SLC48A1: variants seen among roughly 807,000 people sequenced by gnomAD.
SLC48A1 encodes solute carrier family 48 member 1, also known as heme transporter HRG1.
A neutral mutation model predicts 14.8 loss-of-function variants in SLC48A1; 6 were observed. That is an observed-to-expected ratio of 0.41 (90% CI 0.22 to 0.80). The LOEUF (loss-of-function observed/expected upper bound fraction) is 0.80, where lower values mean the gene tolerates loss of function less well. Among genes scored for constraint, SLC48A1 ranks in the 30% least tolerant of loss-of-function variants. The pLI is 0.34. For synonymous variants in SLC48A1, 89 were observed against 90.0 expected, an observed-to-expected ratio of 0.99 and a Z score of 0.06; for missense variants, 165 against 204.8, an observed-to-expected ratio of 0.81 and a Z score of 1.19.
At chr12:47,755,811 C>T (rs1343452473), upstream of SLC48A1, 1 of 152,256 alleles carries the variant, frequency 6.6e-6, no homozygotes, top group Non-Finnish European at 1.5e-5. Context: ...GTGCTGTCTT[C>T]CTGGGACTCG....
At chr12:47,765,271 C>T (rs951902264) in intron 2 of SLC48A1, among the ~76,000 whole-genome samples, 1 of 151,790 alleles carries the variant, frequency 6.6e-6, no homozygotes, top group African/African-American at 2.4e-5. Flanking sequence ...AAGTGGGGTC[C>T]AGAGAAGGAA....
At chr12:47,765,354 G>C (rs766829694) in intron 2 of SLC48A1, among the ~76,000 whole-genome samples, 2 of 152,242 alleles carry the variant, frequency 1.3e-5, no homozygotes, top group Non-Finnish European at 2.9e-5. Context: ...GCGGGGGATA[G>C]AGAGGCAGCC....
chr12:47,757,948 C>G, upstream of SLC48A1: 1 of 1,559,272 alleles, frequency 6.4e-7, no homozygotes, highest in East Asian at 2.4e-5. Context: ...GTGCATCCTT[C>G]TCAACACCAT....
chr12:47,758,231 AG>A, upstream of SLC48A1: 2 of 1,435,294 alleles, frequency 1.4e-6, no homozygotes, highest in South Asian at 3.0e-5. Context: ...GGGGAGGAAC[AG>A]GAAGACCTTC....
upstream of SLC48A1, chr12:47,769,648 A>G (rs1418883700): frequency 6.6e-6 from 1 of 152,180 alleles, no homozygotes; most frequent in African/African-American, 2.4e-5. Flanking sequence ...TTTCAACAGC[A>G]GCAGCAATAA....
chr12:47,754,975 C>T (rs1319770072), upstream of SLC48A1, among the ~76,000 whole-genome samples: 1 of 152,220 alleles, frequency 6.6e-6, no homozygotes, highest in African/African-American at 2.4e-5. Flanking sequence ...GGCACAGAGC[C>T]AGACAGCCTG....
chr12:47,766,437 T>C (rs1415315265), intron 2 of SLC48A1, among the ~76,000 whole-genome samples: 1 of 152,180 alleles, frequency 6.6e-6, no homozygotes, highest in African/African-American at 2.4e-5. Flanking sequence ...CCCAAGTCCC[T>C]GTGGAGGTGA....
At chr12:47,765,397 G>A (rs1377638373) in intron 2 of SLC48A1, among the ~76,000 whole-genome samples, 2 of 152,226 alleles carry the variant, frequency 1.3e-5, no homozygotes, top group Non-Finnish European at 2.9e-5. Context: ...CTCAGCCTCA[G>A]CCCCTCCTGC....
rs566127952 is a variant in SLC48A1 at position 47,775,339 on chromosome 12, G to A, written c.136+1899G>A. On this transcript the variant is annotated intron_variant, in intron 1 of 2. Transcript: ENST00000442218. ...TTGGCCTATGAGGCAGGCCAGCTGT[G>A]GAGCTGCCTTCAGAGAGAGGCGCTA... is the stretch of plus-strand genomic sequence containing the variant. Among the ~76,000 whole-genome samples, 579 of 152,338 alleles carry A rather than the reference G, an allele frequency of 3.8e-3. 4 individuals are homozygous for A. Among genetic ancestry groups the A allele is most frequent in the African/African-American group, 0.013 (548 of 41,562 alleles).
chr12:47,774,852 C>T (rs962742629), intron 1 of SLC48A1, among the ~76,000 whole-genome samples: 1 of 152,218 alleles, frequency 6.6e-6, no homozygotes, highest in South Asian at 2.1e-4. Flanking sequence ...TTCCTTTCCC[C>T]ACTGCACCCC....
Position 47,758,639 on chromosome 12 carries a change from G to A in SLC48A1, c.-394G>A, listed in dbSNP as rs905863743. On this transcript the variant is annotated 5_prime_UTR_variant, in exon 1 of 5. Coordinates refer to the SLC48A1 transcript ENST00000547002. The stretch of plus-strand genomic sequence containing the variant: ...AGCGACCCCCATCAGCTTTGATAAG[G>A]GGATCCGGAGGGTGCCAGTGGGTAA... The A allele has an allele frequency of 7.5e-6, 12 of 1,596,336 alleles. No individual in the cohort carries two copies. In the Middle Eastern group the frequency reaches 8.3e-4, roughly 111 times the overall value.
intron 2 of SLC48A1, among the ~76,000 whole-genome samples, chr12:47,764,850 G>A (rs952148718): frequency 2.6e-5 from 4 of 152,184 alleles, no homozygotes; most frequent in South Asian, 2.1e-4. Flanking sequence ...AGGCCAAGGC[G>A]GGTGGATCAC....
chr12:47,759,680 G>A (rs1942311815), intron 1 of SLC48A1, among the ~76,000 whole-genome samples: 1 of 152,328 alleles, frequency 6.6e-6, no homozygotes, highest in Admixed American at 6.5e-5. Context: ...TTCCACCACT[G>A]TGCAAATGGC....
intron 2 of SLC48A1, among the ~76,000 whole-genome samples, chr12:47,764,633 CT>C (rs1185925397): frequency 1.3e-5 from 2 of 152,186 alleles, no homozygotes; most frequent in Non-Finnish European, 2.9e-5. Flanking sequence ...GGAAAGCAGG[CT>C]AGGGCTAAGG....
chr12:47,780,577 T>C lies in SLC48A1; in HGVS notation c.*296T>C. The C allele has an allele frequency of 3.7e-6, 2 of 547,060 alleles. No homozygotes were observed. Among genetic ancestry groups the C allele is most frequent in the Non-Finnish European group, 7.0e-6 (2 of 287,594 alleles). The allele number at this position is 547,060 out of a possible 1,614,324, so 33.9% of individuals were successfully genotyped here. ...TCTTTCTTTTTTTTTTCTTTTTTTT[T>C]TTTTTTTGAGATGGAGTCTTACTCT... is the stretch of plus-strand genomic sequence containing the variant. On this transcript the variant is annotated 3_prime_UTR_variant, in exon 3 of 3. Transcript: ENST00000442218.
chr12:47,765,564 G>A (rs1014711609), intron 2 of SLC48A1, among the ~76,000 whole-genome samples: 1 of 152,024 alleles, frequency 6.6e-6, no homozygotes, highest in African/African-American at 2.4e-5. Flanking sequence ...AGCTGAGGGT[G>A]CCTGCTGGGC....
chr12:47,774,981 C>G (rs988232510), intron 1 of SLC48A1, among the ~76,000 whole-genome samples: 2 of 152,140 alleles, frequency 1.3e-5, no homozygotes, highest in East Asian at 3.8e-4. Context: ...TTGCGAAGAC[C>G]GAAGGCAAGA....
intron 2 of SLC48A1, among the ~76,000 whole-genome samples, chr12:47,764,464 T>A (rs1942465444): frequency 6.6e-6 from 1 of 152,214 alleles, no homozygotes; most frequent in African/African-American, 2.4e-5. Context: ...TGTCCTTTTG[T>A]TTCAGAGTCT....
In SLC48A1 at chr12:47,773,399, T is replaced by C; in HGVS notation, c.95T>C (p.Val32Ala). The change falls in exon 1 of 3, where the codon GTC becomes GCC. Residue 32 changes from valine to alanine, a missense_variant. Physicochemically the swap from Val to Ala is moderately conservative, Grantham distance 64. Transcript: ENST00000442218. ...TCCATCTTCCTCGTCTGGACGGTGG[T>C]CTACCGACAGCCGGGGACCGCGGCC... ...GFSIFLVWTV[V>A]YRQPGTAAMG... is the part of the protein sequence containing the mutation. 1 of 1,463,364 alleles carries C rather than the reference T, an allele frequency of 6.8e-7. No individual in the cohort carries two copies. Among genetic ancestry groups the C allele is most frequent in the Non-Finnish European group, 9.1e-7 (1 of 1,103,954 alleles). The allele number at this position is 1,463,364 out of a possible 1,614,324, so 90.6% of individuals were successfully genotyped here.
Sources: allele counts gnomAD v4.1 joint callset (sites outside exome capture counted in the v4.1 genomes callset), GRCh38; gene constraint gnomAD v4.1.1; transcripts MANE v1.5; gene names NCBI Gene and HGNC (gene_info 2026-07-23, HGNC 2026-07-21).